COL23A1: variants seen among roughly 807,000 people sequenced by gnomAD.
The protein encoded by COL23A1 is collagen alpha-1(XXIII) chain.
COL23A1 carries 97 observed loss-of-function variants against 99.3 expected under a neutral mutation model. That is an observed-to-expected ratio of 0.98 (90% CI 0.83 to 1.16). COL23A1 has a LOEUF of 1.16. Among genes scored for constraint, COL23A1 ranks in the 50% most tolerant of loss-of-function variants. The probability of loss-of-function intolerance (pLI) is 0.00; values close to 1 mark genes in which losing one functional copy is unlikely to be tolerated. For missense variants in COL23A1, 762 were observed against 757.4 expected, an observed-to-expected ratio of 1.01 and a Z score of -0.07; for synonymous variants, 320 against 308.2, an observed-to-expected ratio of 1.04 and a Z score of -0.40.
chr5:178,342,132 C>A (rs1180693214), intron 2 of COL23A1, among the ~76,000 whole-genome samples: 1 of 152,216 alleles, frequency 6.6e-6, no homozygotes, highest in Non-Finnish European at 1.5e-5. Context: ...GATTCCTTTG[C>A]TGAACCACTT....
chr5:178,581,018 A>G (rs1167584842), intron 1 of COL23A1, among the ~76,000 whole-genome samples: 10 of 151,998 alleles, frequency 6.6e-5, no homozygotes, highest in Admixed American at 5.9e-4. Context: ...AAAAAGAAAT[A>G]AAGTTTCCAC....
rs1242886125 is a variant in COL23A1 at position 178,270,338 on chromosome 5, G to A, written c.467C>T (p.Pro156Leu). 5 of 1,613,906 alleles carry A rather than the reference G, an allele frequency of 3.1e-6. No homozygotes were observed. The highest frequency in any genetic ancestry group is 4.2e-6 in the Non-Finnish European group (5 of 1,179,994). Residue 156 changes from proline (P) to leucine (L), a missense_variant and splice_region_variant, in exon 6 of 29, where the codon CCC (proline) becomes CTC (leucine). Pro to Leu is a moderately conservative substitution (Grantham distance 98). Coordinates refer to ENST00000390654, the MANE Select transcript of COL23A1 (RefSeq NM_173465.4). ...YPGPLGLDGK[P>L]GLPGPKGEKG... The stretch of plus-strand genomic sequence containing the variant: ...TGGAATTGCCCTGTCATCACTTACG[G>A]GCTTGCCATCCAAACCCAGGGGTCC...
At chr5:178,247,235 G>T (rs1764749785) in intron 22 of COL23A1, among the ~76,000 whole-genome samples, 1 of 152,154 alleles carries the variant, frequency 6.6e-6, no homozygotes, top group Non-Finnish European at 1.5e-5. Flanking sequence ...AAAGGAGAAG[G>T]GGACAAGCAG....
chr5:178,416,891 G>A (rs1312623790), intron 2 of COL23A1, among the ~76,000 whole-genome samples: 1 of 152,150 alleles, frequency 6.6e-6, no homozygotes, highest in African/African-American at 2.4e-5. Flanking sequence ...CACACAGGAT[G>A]ATGGCAAAGC....
At chr5:178,533,110 A>G (rs1182886423) in intron 2 of COL23A1, among the ~76,000 whole-genome samples, 1 of 152,212 alleles carries the variant, frequency 6.6e-6, no homozygotes, top group Non-Finnish European at 1.5e-5. Flanking sequence ...ATTCTAAGGA[A>G]AAATGAGATT....
intron 2 of COL23A1, among the ~76,000 whole-genome samples, chr5:178,394,367 C>A (rs1002110310): frequency 6.6e-6 from 1 of 152,000 alleles, no homozygotes; most frequent in Admixed American, 6.5e-5. Context: ...CTGGAGAACA[C>A]CTGCTAGGCT....
intron 2 of COL23A1, among the ~76,000 whole-genome samples, chr5:178,353,890 C>T (rs13158454): frequency 0.43 from 65,072 of 150,184 alleles, 14,610 homozygotes; most frequent in Middle Eastern, 0.61. Flanking sequence ...AGATAGACCA[C>T]GATGTAGAAA....
chr5:178,401,444 T>C (rs921040681), intron 2 of COL23A1, among the ~76,000 whole-genome samples: 2 of 152,264 alleles, frequency 1.3e-5, no homozygotes, highest in African/African-American at 4.8e-5. Flanking sequence ...CTTCCTTATC[T>C]TGGCATAGCG....
chr5:178,447,511 T>A (rs1272286694), intron 2 of COL23A1, among the ~76,000 whole-genome samples: 1 of 152,256 alleles, frequency 6.6e-6, no homozygotes, highest in African/African-American at 2.4e-5. Flanking sequence ...GATATACACA[T>A]ACTAACCATT....
chr5:178,316,067 G>GAGGT (rs1324165615), intron 2 of COL23A1, among the ~76,000 whole-genome samples: 4 of 152,150 alleles, frequency 2.6e-5, no homozygotes, highest in Non-Finnish European at 4.4e-5. Flanking sequence ...AAAAGTTAGA[G>GAGGT]AGGTATTTGT....
chr5:178,585,744 G>GGGGTAATGCCCT (rs1454677345), intron 1 of COL23A1, among the ~76,000 whole-genome samples: 30 of 152,072 alleles, frequency 2.0e-4, no homozygotes, highest in South Asian at 4.1e-4. Flanking sequence ...AGCCCTGGCT[G>GGGGTAATGCCCT]ACCCTGTTGG....
At position 178,367,279 on chromosome 5, in the gene COL23A1, C is replaced by T. The variant is rs559450801; in HGVS notation, c.362-60360G>A. On this transcript the variant is annotated intron_variant, in intron 2 of 28. Transcript: ENST00000390654. ...AGTGCATTTTCTATCATTAAGCTGACGGGAGCTCCACGTCTGAGAGGGGCG... is the reference window on the plus strand; with the variant it reads ...AGTGCATTTTCTATCATTAAGCTGATGGGAGCTCCACGTCTGAGAGGGGCG... Among the ~76,000 whole-genome samples, 19 of 152,248 alleles carry T rather than the reference C, an allele frequency of 1.2e-4. No homozygotes were observed. The East Asian group carries it at 2.7e-3, about 22-fold the overall frequency.
At chr5:178,328,312 C>T (rs749516688) in intron 2 of COL23A1, among the ~76,000 whole-genome samples, 1 of 152,186 alleles carries the variant, frequency 6.6e-6, no homozygotes, top group African/African-American at 2.4e-5. Flanking sequence ...CCAGGCTCTG[C>T]TCTTTCCATC....
chr5:178,343,854 A>AG (rs1209247822), intron 2 of COL23A1, among the ~76,000 whole-genome samples: 3 of 151,844 alleles, frequency 2.0e-5, no homozygotes, highest in Non-Finnish European at 2.9e-5. Context: ...GTAGAGATGG[A>AG]GTTTCACCAT....
chr5:178,247,453 C>A (rs888509919), intron 22 of COL23A1, 73 bp downstream of exon 22: 28 of 1,559,190 alleles, frequency 1.8e-5, no homozygotes, highest in Non-Finnish European at 2.3e-5. Context: ...CTTTGCTTTG[C>A]CCATTGGCAA....
At chr5:178,523,225 G>GAC (rs1472497975) in intron 2 of COL23A1, among the ~76,000 whole-genome samples, 28 of 108,078 alleles carry the variant, frequency 2.6e-4, no homozygotes, top group Non-Finnish European at 3.9e-4. Flanking sequence ...GAGAGAGAGA[G>GAC]ACAGAGGGAG....
chr5:178,535,485 G>T (rs1231380464), intron 2 of COL23A1, among the ~76,000 whole-genome samples: 1 of 152,230 alleles, frequency 6.6e-6, no homozygotes, highest in East Asian at 1.9e-4. Context: ...TCTGTATACC[G>T]CATGCCAGGC....
rs1756895809 is a variant in COL23A1 at position 178,281,478 on chromosome 5, G to A, written c.441+6846C>T. ...TGTCGCTGCTCCCAGGACTGAGGCC[G>A]GAGATGAAGTGCAGTCACCGCTCCC... On this transcript the variant is annotated intron_variant, in intron 5 of 28. Transcript: ENST00000390654. This position sits in a 1 kb window ranked among gnomAD's most constrained non-coding sequence, Gnocchi z 4.0. Among the ~76,000 whole-genome samples the A allele has an allele frequency of 6.6e-6, 1 of 152,138 alleles. No individual in the cohort carries two copies. The highest frequency in any genetic ancestry group is 2.4e-5 in the African/African-American group (1 of 41,444).
chr5:178,249,716 A>ACTCACTCTCTCTCTCTCTCTCTCT (rs1554125190), intron 18 of COL23A1, among the ~76,000 whole-genome samples: 1 of 92,752 alleles, frequency 1.1e-5, no homozygotes, highest in Non-Finnish European at 2.2e-5. Context: ...ACACACACAC[A>ACTCACTCTCTCTCTCTCTCTCTCT]CTCTCTCTCT....
Sources: gnomAD v4.1 joint callset for allele counts (sites outside exome capture counted in the v4.1 genomes callset) on GRCh38, gnomAD v4.1.1 for gene constraint, Gnocchi (gnomAD v3.1) non-coding constraint, MANE v1.5 for transcripts, NCBI Gene and HGNC (gene_info 2026-07-23, HGNC 2026-07-21) for gene names.